Variants in TFB1M observed in about 807,000 individuals in gnomAD.
The protein encoded by TFB1M is dimethyladenosine transferase 1, mitochondrial.
In TFB1M, 27 loss-of-function variants were observed where a neutral mutation model predicts 31.1. The ratio of observed to expected loss-of-function variants is 0.87; its 90% CI spans 0.64 to 1.20. TFB1M has a LOEUF of 1.20. Among genes scored for constraint, TFB1M ranks in the 50% most tolerant of loss-of-function variants. The pLI is 0.00. For missense variants in TFB1M, 394 were observed against 418.7 expected, an observed-to-expected ratio of 0.94 and a Z score of 0.51; for synonymous variants, 166 against 151.8, an observed-to-expected ratio of 1.09 and a Z score of -0.69.
At chr6:155,299,605 G>A (rs747465878) in intron 2 of TFB1M, 1 of 152,158 alleles carries the variant, frequency 6.6e-6, no homozygotes, top group Non-Finnish European at 1.5e-5. Flanking sequence ...GTCAGAGCTC[G>A]GAGAACCTTG....
chr6:155,281,821 TAA>T (rs34485998), intron 5 of TFB1M, among the ~76,000 whole-genome samples: 9 of 150,096 alleles, frequency 6.0e-5, no homozygotes, highest in South Asian at 2.1e-4. Context: ...CCATAATTCA[TAA>T]AAAAAAAGAC....
At chr6:155,260,034 G>A (rs748864490) in intron 6 of TFB1M, among the ~76,000 whole-genome samples, 1 of 152,204 alleles carries the variant, frequency 6.6e-6, no homozygotes, top group African/African-American at 2.4e-5. Flanking sequence ...GAGCCTCTGT[G>A]AGCTGTGCAG....
intron 3 of TFB1M, 129 bp from the exon 4 acceptor site, chr6:155,297,233 ATTT>A: frequency 1.1e-6 from 1 of 952,168 alleles, no homozygotes; most frequent in South Asian, 1.7e-5. Flanking sequence ...ACATGGCTAA[ATTT>A]TTTTTTTCAC....
downstream of TFB1M, chr6:155,254,976 T>G (rs1783907371): frequency 6.2e-6 from 1 of 160,724 alleles, no homozygotes; most frequent in African/African-American, 2.4e-5. Flanking sequence ...ACCTACAATT[T>G]TTCGACTTTA....
chr6:155,257,783 G>A lies in TFB1M; in HGVS notation c.*53C>T. ...AGACAAAAGAGTACCTATATAAGAA[G>A]CTCCACGTAGTGCAAATCGACATCT... On this transcript the variant is annotated 3_prime_UTR_variant, in exon 7 of 7. Coordinates refer to ENST00000367166, the MANE Select transcript of TFB1M (RefSeq NM_016020.4). 1 of 1,609,944 alleles carries A rather than the reference G, an allele frequency of 6.2e-7. No homozygotes were observed. Among genetic ancestry groups the A allele is most frequent in the Non-Finnish European group, 8.5e-7 (1 of 1,177,848 alleles).
intron 4 of TFB1M, among the ~76,000 whole-genome samples, chr6:155,291,301 C>T (rs973391270): frequency 2.6e-5 from 4 of 152,174 alleles, no homozygotes; most frequent in African/African-American, 7.2e-5. Flanking sequence ...AAAACCCACA[C>T]ATCTGGTGTC....
rs572530642 is a variant in TFB1M at position 155,285,043 on chromosome 6, G to A, written c.666+115C>T. On this transcript the variant is annotated intron_variant, in intron 5 of 6. Coordinates refer to ENST00000367166, the MANE Select transcript of TFB1M (RefSeq NM_016020.4). ...GGTTCTTATTCAGAAGTAAAGTACA[G>A]TGTCAGTTTGCACATAAACAAAGGT... 278 of 1,331,846 alleles carry A rather than the reference G, an allele frequency of 2.1e-4. 1 individual carries two copies. In the African/African-American group the frequency reaches 3.8e-3, roughly 18 times the overall value. 82.5% of individuals were successfully genotyped at this position (1,331,846 alleles called of 1,614,324 possible).
chr6:155,299,431 C>T (rs1777331015), intron 2 of TFB1M: 1 of 151,974 alleles, frequency 6.6e-6, no homozygotes, highest in Admixed American at 6.6e-5. Context: ...TGTTAAGTGC[C>T]CCATGCCCAA....
chr6:155,240,065 G>A, the TFB1M span, among the ~76,000 whole-genome samples: 1 of 152,208 alleles, frequency 6.6e-6, no homozygotes, highest in African/African-American at 2.4e-5. Context: ...ATTGCTCTTG[G>A]GCTGTGCCTC....
chr6:155,286,553 G>A (rs533061212), intron 4 of TFB1M, among the ~76,000 whole-genome samples: 1 of 146,984 alleles, frequency 6.8e-6, no homozygotes, highest in East Asian at 2.0e-4. Flanking sequence ...ATATATGTGT[G>A]TATATATATG....
the TFB1M span, chr6:155,243,946 A>ACCCAAAT: frequency 2.9e-6 from 4 of 1,400,176 alleles, no homozygotes; most frequent in East Asian, 9.5e-5. Flanking sequence ...GGTTGCTGCT[A>ACCCAAAT]CCCAAATCTC....
intron 5 of TFB1M, chr6:155,260,669 T>C: frequency 2.0e-6 from 1 of 500,460 alleles, no homozygotes; most frequent in East Asian, 3.9e-5. Flanking sequence ...TAAAACACAG[T>C]TTCACAATGG....
intron 5 of TFB1M, chr6:155,260,972 A>T (rs1261054980): frequency 6.0e-6 from 1 of 166,504 alleles, no homozygotes; most frequent in Non-Finnish European, 1.3e-5. Context: ...GCAGGACTGA[A>T]ATTGAAAATG....
Position 155,311,307 on chromosome 6 carries a change from T to C in TFB1M, c.166A>G (p.Asn56Asp), listed in dbSNP as rs768513287. The part of the protein sequence containing the change: ...KIVRKAGNLT[N>D]AYVYEVGPGP... The stretch of plus-strand genomic sequence containing the variant: ...GGGCCCACTTCGTAAACATAAGCAT[T>C]TGTCAGATTGCCAGCTTTCCTTACA... The change falls in exon 2 of 7, where the codon AAT becomes GAT. Residue 56 changes from asparagine to aspartate, a missense_variant. By Grantham distance (23) the Asn-to-Asp change is conservative. Coordinates refer to ENST00000367166, the MANE Select transcript of TFB1M (RefSeq NM_016020.4). 6.2e-7 allele frequency: 1 copy of C among 1,614,070 alleles called. No homozygotes were observed. The highest frequency in any genetic ancestry group is 1.3e-5 in the African/African-American group (1 of 75,032).
intron 4 of TFB1M, among the ~76,000 whole-genome samples, chr6:155,290,388 CAAAAAAAAAA>C (rs1189869721): frequency 9.3e-6 from 1 of 107,562 alleles, no homozygotes; most frequent in African/African-American, 3.4e-5. Flanking sequence ...GACTCGGCCT[CAAAAAAAAAA>C]AAAAAAAAAA....
chr6:155,256,983 C>A lies in TFB1M; in HGVS notation c.*853G>T, dbSNP rs753437901. Reference sequence around the variant, plus strand: ...CTTTGCTCAAGGCGCAGATCCGTCACCAGTCCCTTGACAGTCAGTCTGAAA... The same window carrying A: ...CTTTGCTCAAGGCGCAGATCCGTCAACAGTCCCTTGACAGTCAGTCTGAAA... On this transcript the variant is annotated 3_prime_UTR_variant, in exon 7 of 7. Transcript: ENST00000367166. The A allele has an allele frequency of 6.2e-7, 1 of 1,614,164 alleles. No homozygotes were observed. The highest frequency in any genetic ancestry group is 8.5e-7 in the Non-Finnish European group (1 of 1,180,032).
At chr6:155,249,359 G>A in the TFB1M span, among the ~76,000 whole-genome samples, 7 of 152,288 alleles carry the variant, frequency 4.6e-5, no homozygotes, top group East Asian at 1.4e-3. Flanking sequence ...TTCCCAGAAG[G>A]GCAAGCCAAA....
Position 155,298,472 on chromosome 6 carries a change from C to T in TFB1M, c.394+5G>A, listed in dbSNP as rs374788403. 16 of 1,503,160 alleles carry T rather than the reference C, an allele frequency of 1.1e-5. No individual in the cohort carries two copies. The highest frequency in any genetic ancestry group is 1.2e-5 in the Non-Finnish European group (13 of 1,079,268). The allele number at this position is 1,503,160 out of a possible 1,614,324, so 93.1% of individuals were successfully genotyped here. A position where few individuals can be genotyped will look rare whatever the true frequency, so the allele number is the denominator to read the frequency against. On this transcript the variant is annotated splice_donor_5th_base_variant and intron_variant, in intron 3 of 6. Transcript: ENST00000367166. ...AATGTTTTATAACTACCCAAAAGCA[C>T]TCACCATCTTCCCAGGGTCTTTTAA...
At chr6:155,298,309 T>C (rs562665820) in intron 3 of TFB1M, among the ~76,000 whole-genome samples, 168 bp downstream of exon 3, 1 of 152,330 alleles carries the variant, frequency 6.6e-6, no homozygotes, top group African/African-American at 2.4e-5. Flanking sequence ...GATTTTATAA[T>C]TTGGAAGCAA....
Sources: allele counts gnomAD v4.1 joint callset (sites outside exome capture counted in the v4.1 genomes callset), GRCh38; gene constraint gnomAD v4.1.1; transcripts MANE v1.5; gene names NCBI Gene and HGNC (gene_info 2026-07-23, HGNC 2026-07-21).